SORCS2: variants seen among roughly 807,000 people sequenced by gnomAD.
SORCS2 encodes the protein VPS10 domain-containing receptor SorCS2.
A neutral mutation model predicts 141.6 loss-of-function variants in SORCS2; 100 were observed. The observed-to-expected ratio is 0.71, with a 90% confidence interval of 0.60 to 0.83. SORCS2 has a LOEUF of 0.83. Ranked by LOEUF, SORCS2 falls within the 40% of genes least tolerant of loss-of-function variation. The probability of loss-of-function intolerance (pLI) is 0.00; values close to 1 mark genes in which losing one functional copy is unlikely to be tolerated. For missense variants in SORCS2, 1,646 were observed against 1,560.2 expected, an observed-to-expected ratio of 1.05 and a Z score of -0.93; for synonymous variants, 789 against 676.9, an observed-to-expected ratio of 1.17 and a Z score of -2.57.
At chr4:7,353,669 C>T (rs948921722) in intron 1 of SORCS2, among the ~76,000 whole-genome samples, 1 of 152,148 alleles carries the variant, frequency 6.6e-6, no homozygotes, top group East Asian at 1.9e-4. Flanking sequence ...CGATGGCCCC[C>T]GATGGCTTTG....
chr4:7,633,049 C>G (rs1284440784), intron 3 of SORCS2, among the ~76,000 whole-genome samples: 1 of 152,164 alleles, frequency 6.6e-6, no homozygotes, highest in African/African-American at 2.4e-5. Context: ...TGAGGTTGTT[C>G]AGAATTTTGT....
At chr4:7,578,583 C>T (rs1365005546) in intron 3 of SORCS2, among the ~76,000 whole-genome samples, 1 of 152,172 alleles carries the variant, frequency 6.6e-6, no homozygotes, top group African/African-American at 2.4e-5. Context: ...CTCAAGGGAA[C>T]GTTTACTTCT....
Position 7,663,314 on chromosome 4 carries a change from A to G in SORCS2, c.953-1039A>G, listed in dbSNP as rs888253073. On this transcript the variant is annotated intron_variant, in intron 6 of 26. Coordinates refer to ENST00000507866, the MANE Select transcript of SORCS2 (RefSeq NM_020777.3). This position sits in a 1 kb window ranked among gnomAD's most constrained non-coding sequence, Gnocchi z 4.8. ...AGTGAATGAGTGACTGAGTGAATGA[A>G]TGAGTGAGTGAGTGATTGAGTGAGT... 2.0e-5 allele frequency among the ~76,000 whole-genome samples: 3 copies of G among 151,782 alleles called. No homozygotes were observed. Among genetic ancestry groups the G allele is most frequent in the Non-Finnish European group, 4.4e-5 (3 of 67,922 alleles).
chr4:7,691,677 C>CCACG (rs2108989052), intron 11 of SORCS2, among the ~76,000 whole-genome samples: 1 of 152,244 alleles, frequency 6.6e-6, no homozygotes, highest in South Asian at 2.1e-4. Context: ...CTATCAGCTT[C>CCACG]CACGCACAGA....
rs372853537 is a variant in SORCS2, at chr4:7,729,600, C to T, written c.2996C>T (p.Pro999Leu). The T allele has an allele frequency of 6.3e-7, 1 of 1,586,494 alleles. No homozygotes were observed. Residue 999 changes from proline to leucine, a missense_variant, in exon 23 of 27, where the codon CCT becomes CTT. Coordinates refer to ENST00000507866, the MANE Select transcript of SORCS2 (RefSeq NM_020777.3). ...CTCTCCCCGCAGGAGACCAGCGTCC[C>T]TCAGGAGCTTCTGGTGACTGTGGTG... ...TRLLSKETSV[P>L]QELLVTVVKP...
chr4:7,434,997 C>G (rs1218389083), intron 2 of SORCS2: 2 of 1,263,020 alleles, frequency 1.6e-6, no homozygotes, highest in Non-Finnish European at 2.2e-6. Context: ...TGGCCACTCC[C>G]ACAGCCTGAC....
rs772985728 is a variant in SORCS2 at position 7,286,846 on chromosome 4, C to T, written c.480+93720C>T. ...GGTGCTGCTTTTCAGGGTACAGGAG[C>T]TATGGAAGGTCCCAAGAGGAAAGTG... On this transcript the variant is annotated intron_variant, in intron 1 of 26. Transcript: ENST00000507866. The surrounding 1 kb of genome is among the most constrained non-coding windows in gnomAD (Gnocchi z 4.1). 2.0e-5 allele frequency among the ~76,000 whole-genome samples: 3 copies of T among 152,180 alleles called. No individual in the cohort carries two copies. Among genetic ancestry groups the T allele is most frequent in the Admixed American group, 2.0e-4 (3 of 15,290 alleles).
chr4:7,334,361 C>T (rs1412846807), intron 1 of SORCS2, among the ~76,000 whole-genome samples: 3 of 152,000 alleles, frequency 2.0e-5, no homozygotes, highest in Non-Finnish European at 4.4e-5. Context: ...CTCCCTGTCC[C>T]CCTGGTCAGT....
intron 1 of SORCS2, among the ~76,000 whole-genome samples, chr4:7,311,752 G>T (rs1321401346): frequency 6.6e-6 from 1 of 152,122 alleles, no homozygotes; most frequent in Non-Finnish European, 1.5e-5. Context: ...TTTTGTCATG[G>T]TTATAGTGTT....
At chr4:7,585,719 T>A (rs1375291460) in intron 3 of SORCS2, among the ~76,000 whole-genome samples, 1 of 152,230 alleles carries the variant, frequency 6.6e-6, no homozygotes, top group African/African-American at 2.4e-5. Flanking sequence ...AGTTAGTAAT[T>A]CTGATTCACC....
At chr4:7,229,457 C>T (rs1466816421) in intron 1 of SORCS2, among the ~76,000 whole-genome samples, 8 of 152,200 alleles carry the variant, frequency 5.3e-5, no homozygotes, top group Admixed American at 5.2e-4. Context: ...GAAAGAGAGC[C>T]TCTGTCTTGT....
At chr4:7,527,411 G>A (rs965239906) in intron 2 of SORCS2, among the ~76,000 whole-genome samples, 9 of 152,208 alleles carry the variant, frequency 5.9e-5, no homozygotes, top group Non-Finnish European at 1.0e-4. Context: ...GGTAGTCGGC[G>A]CTGTGACGGG....
intron 2 of SORCS2, among the ~76,000 whole-genome samples, chr4:7,493,078 T>A (rs183400228): frequency 2.6e-5 from 4 of 152,348 alleles, no homozygotes; most frequent in Admixed American, 2.0e-4. Flanking sequence ...GTGGCCATGC[T>A]CCTGCCTTCT....
intron 3 of SORCS2, among the ~76,000 whole-genome samples, chr4:7,592,176 G>A (rs1329883954): frequency 5.3e-5 from 8 of 152,104 alleles, no homozygotes; most frequent in African/African-American, 9.7e-5. Context: ...TGTTGTTTAT[G>A]GCGGCCTTGC....
At chr4:7,381,929 CA>C (rs1723015295) in intron 1 of SORCS2, 1 of 986,446 alleles carries the variant, frequency 1.0e-6, no homozygotes, top group Admixed American at 6.1e-5. Context: ...GACCAGGCAC[CA>C]AGCTCTCCAT....
chr4:7,605,416 G>A (rs755161087), intron 3 of SORCS2, among the ~76,000 whole-genome samples: 2 of 152,178 alleles, frequency 1.3e-5, no homozygotes. Flanking sequence ...AAGGATAGGT[G>A]TTGGGGGGCA....
intron 2 of SORCS2, among the ~76,000 whole-genome samples, chr4:7,465,594 ACTTTT>A (rs1206262433): frequency 6.6e-6 from 1 of 152,162 alleles, no homozygotes; most frequent in Non-Finnish European, 1.5e-5. Context: ...ATATGTGTGC[ACTTTT>A]CTTTTAAGTT....
intron 3 of SORCS2, among the ~76,000 whole-genome samples, chr4:7,545,720 T>C (rs1349856810): frequency 6.6e-6 from 1 of 152,168 alleles, no homozygotes; most frequent in African/African-American, 2.4e-5. Context: ...GAGAGCCTGG[T>C]GTTTGTGGGC....
chr4:7,461,102 T>A (rs1381583585), intron 2 of SORCS2, among the ~76,000 whole-genome samples: 1 of 152,088 alleles, frequency 6.6e-6, no homozygotes, highest in Non-Finnish European at 1.5e-5. Context: ...CAGAGGACAT[T>A]AGAGAGGAGG....
Sources: gnomAD v4.1 joint callset for allele counts (sites outside exome capture counted in the v4.1 genomes callset) on GRCh38, gnomAD v4.1.1 for gene constraint, Gnocchi (gnomAD v3.1) non-coding constraint, MANE v1.5 for transcripts, NCBI Gene and HGNC (gene_info 2026-07-23, HGNC 2026-07-21) for gene names.